The following MLF1 variants were observed in gnomAD, a reference collection of about 807,000 sequenced individuals.
MLF1 encodes myeloid leukemia factor 1.
MLF1 carries 37 observed loss-of-function variants against 38.3 expected under a neutral mutation model. The observed-to-expected ratio is 0.96, with a 90% CI of 0.74 to 1.27. The LOEUF is 1.27. Among genes scored for constraint, MLF1 ranks in the 50% most tolerant of loss-of-function variants. MLF1 has a pLI of 0.00. For missense variants in MLF1, 331 were observed against 349.2 expected, an observed-to-expected ratio of 0.95 and a Z score of 0.42; for synonymous variants, 95 against 106.5, an observed-to-expected ratio of 0.89 and a Z score of 0.66.
At chr3:158,604,374 G>A (rs1720217813) in intron 7 of MLF1, among the ~76,000 whole-genome samples, 1 of 152,120 alleles carries the variant, frequency 6.6e-6, no homozygotes, top group Non-Finnish European at 1.5e-5. Flanking sequence ...GGCATTTTCT[G>A]AAATGACTTC....
chr3:158,588,004 A>C (rs530356581), intron 1 of MLF1, among the ~76,000 whole-genome samples: 5 of 152,150 alleles, frequency 3.3e-5, no homozygotes, highest in Non-Finnish European at 5.9e-5. Context: ...CCGTCTCAAA[A>C]ATAAATAAAT....
chr3:158,579,042 G>T (rs1715922233), intron 1 of MLF1, among the ~76,000 whole-genome samples: 1 of 151,996 alleles, frequency 6.6e-6, no homozygotes, highest in Non-Finnish European at 1.5e-5. Flanking sequence ...AACATACAAA[G>T]CATATTTCTC....
intron 1 of MLF1, chr3:158,591,159 C>CTTTTTTTTT: frequency 2.5e-6 from 1 of 395,460 alleles, no homozygotes; most frequent in Non-Finnish European, 4.9e-6. Flanking sequence ...AGGAAAATTT[C>CTTTTTTTTT]TTTTTTTTTT....
At chr3:158,600,221 A>G (rs537134206) in intron 6 of MLF1, 48 bp downstream of exon 6, 2 of 1,246,062 alleles carry the variant, frequency 1.6e-6, no homozygotes, top group Non-Finnish European at 2.1e-6. Flanking sequence ...ATTTAAAATA[A>G]CAGCCGTACT....
Position 158,587,866 on chromosome 3 carries a change from C to T in MLF1, c.48-4568C>T, listed in dbSNP as rs1043349659. On this transcript the variant is annotated intron_variant, in intron 1 of 7. Coordinates refer to ENST00000466246, the MANE Select transcript of MLF1 (RefSeq NM_001369783.1). The stretch of plus-strand genomic sequence containing the variant: ...ATAGAAAAAAATTAGCCGGGCCTGG[C>T]GGCGTGCGCCTGTAGTCCCAGCTGC... Among the ~76,000 whole-genome samples the T allele has an allele frequency of 6.4e-4, 97 of 152,090 alleles. 2 individuals are homozygous for T. The highest frequency in any genetic ancestry group is 1.0e-3 in the Admixed American group (16 of 15,270).
intron 6 of MLF1, among the ~76,000 whole-genome samples, chr3:158,600,860 T>C (rs1316978409): frequency 6.6e-6 from 1 of 151,856 alleles, no homozygotes; most frequent in African/African-American, 2.4e-5. Flanking sequence ...TTTCTTTTTC[T>C]GGATTTTGTA....
intron 1 of MLF1, among the ~76,000 whole-genome samples, chr3:158,575,517 G>A (rs1715292696): frequency 6.6e-6 from 1 of 152,072 alleles, no homozygotes; most frequent in South Asian, 2.1e-4. Context: ...CAAACAAAAT[G>A]AGTATCCATT....
intron 7 of MLF1, 75 bp from the exon 8 acceptor site, chr3:158,605,022 T>C (rs1720336658): frequency 3.6e-6 from 4 of 1,098,648 alleles, no homozygotes; most frequent in Non-Finnish European, 1.3e-6. Context: ...CAGTGGTTTT[T>C]AACATGTTTG....
At chr3:158,577,327 A>G (rs1715619529) in intron 1 of MLF1, among the ~76,000 whole-genome samples, 2 of 152,216 alleles carry the variant, frequency 1.3e-5, no homozygotes, top group Non-Finnish European at 2.9e-5. Flanking sequence ...TGGAAACAGT[A>G]TTCAAGGTTA....
At chr3:158,581,077 C>T (rs1480066830) in intron 1 of MLF1, among the ~76,000 whole-genome samples, 4 of 152,180 alleles carry the variant, frequency 2.6e-5, no homozygotes, top group African/African-American at 9.7e-5. Context: ...GGGCAAATCT[C>T]TGCCCCCATA....
At position 158,575,491 on chromosome 3, in the gene MLF1, G is replaced by A. The variant is rs576581844; in HGVS notation, c.47+4144G>A. On this transcript the variant is annotated intron_variant, in intron 1 of 7. Coordinates refer to ENST00000466246, the MANE Select transcript of MLF1 (RefSeq NM_001369783.1). ...TTCGGGTAATCTATTTGACCCACCC[G>A]TTTTACCTCAACCCCCAAACAAAAT... Among the ~76,000 whole-genome samples, 11 of 152,154 alleles carry A rather than the reference G, an allele frequency of 7.2e-5. 1 individual carries two copies. Among genetic ancestry groups the A allele is most frequent in the Middle Eastern group, 6.8e-3 (2 of 294 alleles).
intron 1 of MLF1, chr3:158,573,366 G>T (rs1714845276): frequency 7.2e-6 from 1 of 138,000 alleles, no homozygotes; most frequent in African/African-American, 2.7e-5. Flanking sequence ...AAGCTGATGG[G>T]GCGGGGCGGG....
At chr3:158,596,188 G>A (rs1385265465) in intron 3 of MLF1, among the ~76,000 whole-genome samples, 1 of 152,088 alleles carries the variant, frequency 6.6e-6, no homozygotes, top group Non-Finnish European at 1.5e-5. Context: ...TGTCCACTGA[G>A]AGTCAAAATC....
At chr3:158,597,260 A>C in intron 4 of MLF1, among the ~76,000 whole-genome samples, 1 of 151,982 alleles carries the variant, frequency 6.6e-6, no homozygotes. Context: ...AATTTTTTAA[A>C]AATTGGAAAA....
At chr3:158,588,657 A>C (rs1463665559) in intron 1 of MLF1, among the ~76,000 whole-genome samples, 1 of 151,872 alleles carries the variant, frequency 6.6e-6, no homozygotes, top group Non-Finnish European at 1.5e-5. Flanking sequence ...CTAAGTCATC[A>C]GTTTTGTTGC....
At chr3:158,594,475 A>G (rs1718612103) in intron 3 of MLF1, among the ~76,000 whole-genome samples, 1 of 152,196 alleles carries the variant, frequency 6.6e-6, no homozygotes, top group African/African-American at 2.4e-5. Flanking sequence ...AGACCGTAGA[A>G]GGAGAGTAAA....
chr3:158,571,392 G>T, intron 1 of MLF1, 45 bp downstream of exon 1: 2 of 1,612,026 alleles, frequency 1.2e-6, no homozygotes, highest in Non-Finnish European at 1.7e-6. Flanking sequence ...GGGAATTAAG[G>T]TATCGAGGGG....
chr3:158,578,284 C>G (rs921138215), intron 1 of MLF1, among the ~76,000 whole-genome samples: 1 of 152,038 alleles, frequency 6.6e-6, no homozygotes, highest in Admixed American at 6.6e-5. Context: ...TGTCAGTTAT[C>G]TGAGAACCTT....
Position 158,605,724 on chromosome 3 carries a change from T to C in MLF1, c.*522T>C. 1 of 182,504 alleles carries C rather than the reference T, an allele frequency of 5.5e-6. No individual in the cohort carries two copies. 11.3% of individuals were successfully genotyped at this position (182,504 alleles called of 1,614,324 possible). A position where few individuals can be genotyped will look rare whatever the true frequency, so the allele number is the denominator to read the frequency against. On this transcript the variant is annotated 3_prime_UTR_variant, in exon 8 of 8. Transcript: ENST00000466246. ...AAGCAAAACTACACTAGTACTCTTT[T>C]ATGAGAAAATAGTTACTATTTTGAT...
Sources: gnomAD v4.1 joint callset for allele counts (sites outside exome capture counted in the v4.1 genomes callset) on GRCh38, gnomAD v4.1.1 for gene constraint, MANE v1.5 for transcripts, NCBI Gene and HGNC (gene_info 2026-07-23, HGNC 2026-07-21) for gene names.